Variants in NYAP2 observed in about 807,000 individuals in gnomAD.
NYAP2 encodes the protein neuronal tyrosine-phosphorylated phosphoinositide-3-kinase adapter 2.
Under a neutral mutation model 50.4 loss-of-function variants are expected in NYAP2, and 23 were observed. The ratio of observed to expected loss-of-function variants is 0.46; its 90% CI spans 0.33 to 0.65. NYAP2 has a LOEUF of 0.65. Among genes scored for constraint, NYAP2 ranks in the 30% least tolerant of loss-of-function variants. The pLI, the probability that NYAP2 is intolerant of heterozygous loss-of-function variation, is 0.02. For missense variants in NYAP2, 885 were observed against 861.0 expected, an observed-to-expected ratio of 1.03 and a Z score of -0.35; for synonymous variants, 394 against 365.2, an observed-to-expected ratio of 1.08 and a Z score of -0.90.
At chr2:225,477,874 G>GA (rs1574634925) in intron 3 of NYAP2, among the ~76,000 whole-genome samples, 1 of 152,164 alleles carries the variant, frequency 6.6e-6, no homozygotes, top group Non-Finnish European at 1.5e-5. Flanking sequence ...GAAAACAGGA[G>GA]AAAAAATGGG....
intron 3 of NYAP2, among the ~76,000 whole-genome samples, chr2:225,512,827 C>CTTTCTTTCTT (rs1188934335): frequency 2.4e-5 from 2 of 83,406 alleles, no homozygotes; most frequent in African/African-American, 1.2e-4. Flanking sequence ...CTTTCTCTCT[C>CTTTCTTTCTT]TCTCTCTCTC....
At chr2:225,560,375 G>C (rs1310594789) in intron 4 of NYAP2, among the ~76,000 whole-genome samples, 1 of 151,966 alleles carries the variant, frequency 6.6e-6, no homozygotes, top group Admixed American at 6.6e-5. Flanking sequence ...CTATGACATA[G>C]AGCATACCAT....
intron 5 of NYAP2, among the ~76,000 whole-genome samples, chr2:225,590,645 G>T (rs2106235349): frequency 6.6e-6 from 1 of 152,284 alleles, no homozygotes; most frequent in East Asian, 1.9e-4. Flanking sequence ...AAGGTTAAAA[G>T]ATAATTTATG....
chr2:225,546,507 A>G (rs6728747), intron 4 of NYAP2, among the ~76,000 whole-genome samples: 34,218 of 151,792 alleles, frequency 0.23, 3,864 homozygotes, highest in African/African-American at 0.25. Context: ...GCTACTGCCG[A>G]TATTCACTTA....
chr2:225,558,170 A>G (rs970204650), intron 4 of NYAP2, among the ~76,000 whole-genome samples: 1 of 152,186 alleles, frequency 6.6e-6, no homozygotes, highest in Admixed American at 6.5e-5. Context: ...CCATGGATGT[A>G]ATAAAGTGAG....
At chr2:225,429,612 A>T (rs930028684) in intron 3 of NYAP2, among the ~76,000 whole-genome samples, 1 of 152,328 alleles carries the variant, frequency 6.6e-6, no homozygotes, top group Middle Eastern at 3.4e-3. Flanking sequence ...TGAGGTTAAT[A>T]TATTTATTTA....
intron 5 of NYAP2, among the ~76,000 whole-genome samples, chr2:225,583,980 T>A (rs1222497685): frequency 1.3e-5 from 2 of 152,094 alleles, no homozygotes; most frequent in African/African-American, 2.4e-5. Context: ...AGGCAGAGCT[T>A]GTAGTGAGCC....
chr2:225,689,298 G>A, the NYAP2 span, among the ~76,000 whole-genome samples: 7 of 152,070 alleles, frequency 4.6e-5, no homozygotes, highest in East Asian at 1.9e-4. Context: ...TTATAATCAC[G>A]TAACTGTCTT....
intron 3 of NYAP2, among the ~76,000 whole-genome samples, chr2:225,477,783 G>A (rs970162841): frequency 1.3e-5 from 2 of 151,930 alleles, no homozygotes; most frequent in African/African-American, 4.8e-5. Flanking sequence ...ACATACACAT[G>A]TATATCTATA....
chr2:225,518,498 C>CA lies in NYAP2; in HGVS notation c.523+4835dup, dbSNP rs1157809372. 2.7e-3 allele frequency among the ~76,000 whole-genome samples: 205 copies of CA among 75,648 alleles called. 2 individuals are homozygous for CA. Among genetic ancestry groups the CA allele is most frequent in the African/African-American group, 8.8e-3 (179 of 20,406 alleles). The allele number at this position is 75,648 out of a possible 152,430, so 49.6% of individuals were successfully genotyped here. On this transcript the variant is annotated intron_variant, in intron 4 of 6. Coordinates refer to ENST00000636099, the Ensembl canonical transcript of NYAP2. Reference sequence around the variant, plus strand: ...CTTAAGAGACTTTGAGTTCTCATTACAAAAAAAAACAGTATGTGAGCTAAT... The same window carrying CA: ...CTTAAGAGACTTTGAGTTCTCATTACAAAAAAAAAACAGTATGTGAGCTAAT...
chr2:225,650,884 G>T (rs559068684), intron 6 of NYAP2, among the ~76,000 whole-genome samples: 1 of 152,172 alleles, frequency 6.6e-6, no homozygotes, highest in Non-Finnish European at 1.5e-5. Context: ...GTAGGAGAAA[G>T]CTTTTTAAGT....
chr2:225,431,840 C>A (rs189194925), intron 3 of NYAP2, among the ~76,000 whole-genome samples: 22 of 152,284 alleles, frequency 1.4e-4, no homozygotes, highest in African/African-American at 5.1e-4. Flanking sequence ...GAAGGGTTGA[C>A]CAAAAGTTCC....
At chr2:225,438,458 C>T (rs1430271944) in intron 3 of NYAP2, among the ~76,000 whole-genome samples, 1 of 152,226 alleles carries the variant, frequency 6.6e-6, no homozygotes, top group Non-Finnish European at 1.5e-5. Flanking sequence ...CTGAGCCCTG[C>T]AAGTATTGTG....
At chr2:225,480,050 A>T (rs1338351914) in intron 3 of NYAP2, among the ~76,000 whole-genome samples, 1 of 152,148 alleles carries the variant, frequency 6.6e-6, no homozygotes, top group Non-Finnish European at 1.5e-5. Flanking sequence ...CAATCAAAGT[A>T]TGTATTACTT....
chr2:225,626,057 G>T (rs1389279331), intron 5 of NYAP2, among the ~76,000 whole-genome samples: 1 of 152,204 alleles, frequency 6.6e-6, no homozygotes, highest in East Asian at 1.9e-4. Context: ...AAGAAAGAGA[G>T]AGAAAAGTTT....
chr2:225,625,033 A>C (rs554015698), intron 5 of NYAP2, among the ~76,000 whole-genome samples: 15 of 119,812 alleles, frequency 1.3e-4, no homozygotes, highest in Non-Finnish European at 2.2e-4. Context: ...TAAGGATTTT[A>C]ACCCAAGCGT....
intron 3 of NYAP2, among the ~76,000 whole-genome samples, chr2:225,416,343 T>A (rs1202408886): frequency 1.3e-5 from 2 of 152,202 alleles, no homozygotes; most frequent in Non-Finnish European, 2.9e-5. Flanking sequence ...AGAAGTTTAA[T>A]CTGCAAGGCT....
Position 225,582,221 on chromosome 2 carries a change from C to G in NYAP2, c.804C>G (p.Tyr268Ter). The change falls in exon 5 of 7, where the codon TAC becomes TAG. Residue 268 changes from tyrosine to a stop codon, truncating the protein, a stop_gained. Coordinates refer to ENST00000636099, the Ensembl canonical transcript of NYAP2. LOFTEE classifies it high-confidence loss of function. The surrounding 1 kb of genome is among the most constrained non-coding windows in gnomAD (Gnocchi z 7.0). ...ACGATGACCAGAGCGAGGCCGTCTA[C>G]GAGGAAATGAAGTACCCTATCTTTG... The G allele has an allele frequency of 6.2e-7, 1 of 1,614,014 alleles. No individual in the cohort carries two copies. The highest frequency in any genetic ancestry group is 8.5e-7 in the Non-Finnish European group (1 of 1,179,890).
chr2:225,472,033 A>G (rs938849511), intron 3 of NYAP2, among the ~76,000 whole-genome samples: 5 of 152,166 alleles, frequency 3.3e-5, no homozygotes, highest in Admixed American at 3.3e-4. Context: ...CCATCCTTCG[A>G]GGGAGATATG....
Sources: gnomAD v4.1 joint callset for allele counts (sites outside exome capture counted in the v4.1 genomes callset) on GRCh38, gnomAD v4.1.1 for gene constraint, Gnocchi (gnomAD v3.1) non-coding constraint, MANE v1.5 for transcripts, NCBI Gene and HGNC (gene_info 2026-07-23, HGNC 2026-07-21) for gene names.